Variants in AKT3 observed in about 807,000 individuals in gnomAD.
AKT3 encodes RAC-gamma serine/threonine-protein kinase.
Under a neutral mutation model 65.3 loss-of-function variants are expected in AKT3, and 15 were observed. The ratio of observed to expected loss-of-function variants is 0.23; its 90% confidence interval spans 0.15 to 0.35. The LOEUF (loss-of-function observed/expected upper bound fraction) is 0.35, where lower values mean the gene tolerates loss of function less well. Ranked by LOEUF, AKT3 falls within the 10% of genes least tolerant of loss-of-function variation. AKT3 has a pLI of 1.00. For synonymous variants in AKT3, 206 were observed against 183.8 expected (o/e 1.12, Z -0.98); for missense variants, 243 against 576.5 (o/e 0.42, Z 5.92).
chr1:243,688,664 G>A (rs898757997), intron 3 of AKT3, among the ~76,000 whole-genome samples: 3 of 152,076 alleles, frequency 2.0e-5, no homozygotes, highest in African/African-American at 7.2e-5. Context: ...TGACTGACTC[G>A]CAGCCTGTTT....
chr1:243,633,251 G>A (rs1489199871), intron 6 of AKT3, among the ~76,000 whole-genome samples: 1 of 152,096 alleles, frequency 6.6e-6, no homozygotes, highest in Admixed American at 6.6e-5. Context: ...AAGCTATAGT[G>A]AGTTATATTA....
chr1:243,781,406 T>C (rs1324599100), intron 2 of AKT3, among the ~76,000 whole-genome samples: 4 of 152,180 alleles, frequency 2.6e-5, no homozygotes, highest in Non-Finnish European at 5.9e-5. Flanking sequence ...TCCTCCTCTT[T>C]TTATTTGTTC....
At chr1:243,621,183 A>G (rs1480752091) in intron 6 of AKT3, among the ~76,000 whole-genome samples, 1 of 152,154 alleles carries the variant, frequency 6.6e-6, no homozygotes, top group Non-Finnish European at 1.5e-5. Flanking sequence ...ACTAGAACCC[A>G]GGTCTGTGCT....
intron 4 of AKT3, among the ~76,000 whole-genome samples, chr1:243,659,922 G>A (rs540633296): frequency 2.0e-5 from 3 of 152,288 alleles, no homozygotes; most frequent in Admixed American, 2.0e-4. Context: ...GTTCATCAAG[G>A]ATATTGGTCT....
downstream of AKT3, among the ~76,000 whole-genome samples, chr1:243,497,686 T>C (rs1180508184): frequency 4.6e-5 from 7 of 152,214 alleles, no homozygotes; most frequent in Non-Finnish European, 7.3e-5. Context: ...CATTTTACTT[T>C]TACTTCAGGT....
At chr1:243,550,094 A>G (rs1672943435) in intron 11 of AKT3, among the ~76,000 whole-genome samples, 1 of 152,110 alleles carries the variant, frequency 6.6e-6, no homozygotes, top group Non-Finnish European at 1.5e-5. Flanking sequence ...AAGTCCCCCA[A>G]TCCCCTAGAC....
At chr1:243,778,426 G>A (rs1294366627) in intron 2 of AKT3, among the ~76,000 whole-genome samples, 1 of 152,182 alleles carries the variant, frequency 6.6e-6, no homozygotes, top group Non-Finnish European at 1.5e-5. Flanking sequence ...ATATGAAGAA[G>A]ATACAGGTAA....
At chr1:243,539,350 C>T (rs1672141336) in intron 12 of AKT3, among the ~76,000 whole-genome samples, 1 of 152,028 alleles carries the variant, frequency 6.6e-6, no homozygotes, top group African/African-American at 2.4e-5. Flanking sequence ...ATTTCCCTTC[C>T]TGTAGCTTAC....
At chr1:243,703,006 A>G in intron 2 of AKT3, 1 of 152,228 alleles carries the variant, frequency 6.6e-6, no homozygotes, top group East Asian at 1.9e-4. Context: ...TATCTTTGGC[A>G]ATACTCCTTA....
intron 8 of AKT3, among the ~76,000 whole-genome samples, chr1:243,579,991 TGAA>T (rs1294093083): frequency 1.3e-5 from 2 of 152,158 alleles, no homozygotes. Flanking sequence ...AGTCTCAAGA[TGAA>T]GAAGAATTTT....
intron 2 of AKT3, among the ~76,000 whole-genome samples, chr1:243,760,062 C>T (rs971896897): frequency 1.3e-5 from 2 of 152,082 alleles, no homozygotes; most frequent in Non-Finnish European, 2.9e-5. Flanking sequence ...TTAGGCTACT[C>T]CTAGATTGCT....
At chr1:243,542,095 T>C (rs887498949) in intron 12 of AKT3, among the ~76,000 whole-genome samples, 3 of 152,218 alleles carry the variant, frequency 2.0e-5, no homozygotes, top group African/African-American at 7.2e-5. Context: ...ATTGTTAAGA[T>C]GTCAGCTCTT....
At chr1:243,623,530 C>CA (rs1029708295) in intron 6 of AKT3, among the ~76,000 whole-genome samples, 4 of 152,022 alleles carry the variant, frequency 2.6e-5, no homozygotes, top group African/African-American at 9.7e-5. Flanking sequence ...AAATAGGACC[C>CA]AAAAAAGCAA....
intron 10 of AKT3, among the ~76,000 whole-genome samples, chr1:243,553,559 C>T (rs577282479): frequency 8.5e-5 from 13 of 152,228 alleles, no homozygotes; most frequent in Admixed American, 4.6e-4. Context: ...GCTTATGGTA[C>T]GAGCTGTAAT....
chr1:243,528,067 C>T (rs1023171416), intron 12 of AKT3, among the ~76,000 whole-genome samples: 2 of 152,246 alleles, frequency 1.3e-5, no homozygotes, highest in African/African-American at 2.4e-5. Flanking sequence ...TTACTTCTTT[C>T]CAATTGATGT....
chr1:243,700,260 T>C (rs1685361264), intron 2 of AKT3, among the ~76,000 whole-genome samples: 1 of 152,142 alleles, frequency 6.6e-6, no homozygotes, highest in Non-Finnish European at 1.5e-5. Flanking sequence ...CTGTAAATGG[T>C]AGAGAATCCT....
At chr1:243,608,253 T>G (rs1432649467) in intron 8 of AKT3, among the ~76,000 whole-genome samples, 1 of 152,176 alleles carries the variant, frequency 6.6e-6, no homozygotes, top group Non-Finnish European at 1.5e-5. Context: ...GACTTCAACA[T>G]TGCTACATGG....
chr1:243,659,400 A>T (rs144550418), intron 4 of AKT3, among the ~76,000 whole-genome samples: 8 of 152,308 alleles, frequency 5.3e-5, no homozygotes, highest in Non-Finnish European at 1.0e-4. Flanking sequence ...ATGAAAGAGG[A>T]TTTCACATTA....
chr1:243,641,526 G>A (rs768601644), intron 5 of AKT3, among the ~76,000 whole-genome samples: 1 of 151,848 alleles, frequency 6.6e-6, no homozygotes, highest in Non-Finnish European at 1.5e-5. Context: ...CATAGAAAAT[G>A]AAATTGAATT....
Sources: gnomAD v4.1 joint callset for allele counts (sites outside exome capture counted in the v4.1 genomes callset) on GRCh38, gnomAD v4.1.1 for gene constraint, MANE v1.5 for transcripts, NCBI Gene and HGNC (gene_info 2026-07-23, HGNC 2026-07-21) for gene names.